C1orf56: variants seen among roughly 807,000 people sequenced by gnomAD.
The protein encoded by C1orf56 is protein MENT.
C1orf56 carries 14 observed loss-of-function variants against 20.7 expected under a neutral mutation model. The ratio of observed to expected loss-of-function variants is 0.68; its 90% CI spans 0.45 to 1.06. The LOEUF (loss-of-function observed/expected upper bound fraction) is 1.06, where lower values mean the gene tolerates loss of function less well. C1orf56 is among the 50% of genes least tolerant of loss of function. The pLI is 0.00. For missense variants in C1orf56, 424 were observed against 451.4 expected (o/e 0.94, Z 0.55); for synonymous variants, 187 against 194.7 (o/e 0.96, Z 0.33).
Position 151,048,600 on chromosome 1 carries a change from A to T in C1orf56, c.753A>T (p.Gln251His). 6.2e-7 allele frequency: 1 copy of T among 1,614,260 alleles called. No individual in the cohort carries two copies. The highest frequency in any genetic ancestry group is 8.5e-7 in the Non-Finnish European group (1 of 1,180,048). The part of the protein sequence containing the change: ...LRTEHKPCTY[Q>H]QCPCNRLREE... ...CGGAGCACAAGCCTTGCACCTATCA[A>T]CAATGTCCCTGCAACCGACTTCGGG... Residue 251 changes from glutamine to histidine, a missense_variant, in exon 1 of 2, where the codon CAA (glutamine) becomes CAT (histidine). By Grantham distance (24) the Gln-to-His change is conservative. Transcript: ENST00000368926. The surrounding 1 kb of genome is among the most constrained non-coding windows in gnomAD (Gnocchi z 4.8).
chr1:151,047,756 A>T lies in C1orf56; in HGVS notation c.-92A>T. 1 of 1,424,100 alleles carries T rather than the reference A, an allele frequency of 7.0e-7. No homozygotes were observed. The highest frequency in any genetic ancestry group is 1.5e-5 in the South Asian group (1 of 65,636). 88.2% of individuals were successfully genotyped at this position (1,424,100 alleles called of 1,614,324 possible). A position where few individuals can be genotyped will look rare whatever the true frequency, so the allele number is the denominator to read the frequency against. On this transcript the variant is annotated 5_prime_UTR_variant, in exon 1 of 2. Coordinates refer to ENST00000368926, the MANE Select transcript of C1orf56 (RefSeq NM_017860.5). Reference sequence around the variant, plus strand: ...TTCCCCGCGGGCCTCGGTTCAAACGACCCGGTGGGTCTACAGCGGAAGGGA... The same window carrying T: ...TTCCCCGCGGGCCTCGGTTCAAACGTCCCGGTGGGTCTACAGCGGAAGGGA...
chr1:151,047,935 C>T lies in C1orf56; in HGVS notation c.88C>T (p.Pro30Ser). The T allele has an allele frequency of 1.9e-6, 3 of 1,613,162 alleles. No homozygotes were observed. Among genetic ancestry groups the T allele is most frequent in the Non-Finnish European group, 2.5e-6 (3 of 1,179,846 alleles). The change falls in exon 1 of 2, where the codon CCG (proline) becomes TCG (serine). Residue 30 changes from proline to serine, a missense_variant. Transcript: ENST00000368926. ...GGGGGCCCAAGGCCTGACCCAGACTCCGACCGAAATGCAGCGGGTCAGTTT... is the reference window on the plus strand; with the variant it reads ...GGGGGCCCAAGGCCTGACCCAGACTTCGACCGAAATGCAGCGGGTCAGTTT... ...AAGAQGLTQT[P>S]TEMQRVSLRF... is the part of the protein sequence containing the mutation.
chr1:151,049,163 G>C (rs1197678797), intron 1 of C1orf56, among the ~76,000 whole-genome samples: 1 of 152,016 alleles, frequency 6.6e-6, no homozygotes, highest in Non-Finnish European at 1.5e-5. Context: ...GCCGAGGCTG[G>C]AGTGCAATGG....
At chr1:151,049,187 C>T (rs1417567405) in intron 1 of C1orf56, among the ~76,000 whole-genome samples, 2 of 151,844 alleles carry the variant, frequency 1.3e-5, no homozygotes, top group African/African-American at 4.8e-5. Context: ...GATCCTGGCT[C>T]ACTGCAACCT....
chr1:151,048,537 C>T lies in C1orf56; in HGVS notation c.690C>T (p.Ser230=). ...GGTCTGGGAAGCTGCACGGCCTTTC[C>T]GGGCGCCTTCGAGTTGGGGCGCTGA... The part of the protein sequence containing the change: ...RSRSGKLHGL[S]GRLRVGALSQ... The change falls in exon 1 of 2, where the codon TCC becomes TCT. Residue 230 remains serine, a synonymous_variant. Coordinates refer to ENST00000368926, the MANE Select transcript of C1orf56 (RefSeq NM_017860.5). This position sits in a 1 kb window ranked among gnomAD's most constrained non-coding sequence, Gnocchi z 4.8. 2.5e-6 allele frequency: 4 copies of T among 1,613,582 alleles called. No individual in the cohort carries two copies. Among genetic ancestry groups the T allele is most frequent in the East Asian group, 4.5e-5 (2 of 44,888 alleles).
intron 1 of C1orf56, 105 bp from the exon 2 acceptor site, chr1:151,050,333 T>C (rs1676149835): frequency 2.8e-6 from 3 of 1,089,160 alleles, no homozygotes; most frequent in East Asian, 4.8e-5. Context: ...GGCAGTAGGG[T>C]TGAGGGAATA....
Position 151,047,972 on chromosome 1 carries a change from G to A in C1orf56, c.125G>A (p.Gly42Asp). 3 of 1,613,840 alleles carry A rather than the reference G, an allele frequency of 1.9e-6. No homozygotes were observed. The highest frequency in any genetic ancestry group is 2.5e-6 in the Non-Finnish European group (3 of 1,179,980). Reference sequence around the variant, plus strand: ...CAGCGGGTCAGTTTACGCTTTGGGGGCCCCATGACCCGCAGCTACCGGAGC... The same window carrying A: ...CAGCGGGTCAGTTTACGCTTTGGGGACCCCATGACCCGCAGCTACCGGAGC... ...EMQRVSLRFGGPMTRSYRSTA... is the reference protein window; with the variant it reads ...EMQRVSLRFGDPMTRSYRSTA... The change falls in exon 1 of 2, where the codon GGC becomes GAC. Residue 42 changes from glycine to aspartate, a missense_variant. Gly to Asp is a moderately conservative substitution (Grantham distance 94). Coordinates refer to ENST00000368926, the MANE Select transcript of C1orf56 (RefSeq NM_017860.5).
intron 1 of C1orf56, 128 bp from the exon 2 acceptor site, chr1:151,050,310 T>C (rs1419235819): frequency 1.2e-6 from 1 of 804,886 alleles, no homozygotes; most frequent in Non-Finnish European, 2.0e-6. Context: ...CATACAAAAA[T>C]AAGTAAGGGG....
chr1:151,048,423 C>T lies in C1orf56; in HGVS notation c.576C>T (p.Ala192=). The T allele has an allele frequency of 6.2e-7, 1 of 1,610,288 alleles. No homozygotes were observed. The highest frequency in any genetic ancestry group is 8.5e-7 in the Non-Finnish European group (1 of 1,179,990). Residue 192 remains alanine (A), a synonymous_variant, in exon 1 of 2, where the codon GCC becomes GCT. Transcript: ENST00000368926. This position sits in a 1 kb window ranked among gnomAD's most constrained non-coding sequence, Gnocchi z 4.8. ...PSRWPSPSPT[A]MPSPEDLRLV... Reference sequence around the variant, plus strand: ...GGTGGCCGTCACCCTCACCCACAGCCATGCCATCTCCTGAGGATCTGCGGC... The same window carrying T: ...GGTGGCCGTCACCCTCACCCACAGCTATGCCATCTCCTGAGGATCTGCGGC...
chr1:151,048,175 G>A lies in C1orf56; in HGVS notation c.328G>A (p.Gly110Arg), dbSNP rs1676099554. The A allele has an allele frequency of 6.2e-7, 1 of 1,614,210 alleles. No homozygotes were observed. The highest frequency in any genetic ancestry group is 8.5e-7 in the Non-Finnish European group (1 of 1,180,042). The change falls in exon 1 of 2, where the codon GGG becomes AGG. Residue 110 changes from glycine to arginine, a missense_variant. Transcript: ENST00000368926. This position sits in a 1 kb window ranked among gnomAD's most constrained non-coding sequence, Gnocchi z 4.8. Reference sequence around the variant, plus strand: ...CGAGGAGGATGGGTCTTCAGAAGAGGGGGTTGTGATTAATGCCGGAAAGGA... The same window carrying A: ...CGAGGAGGATGGGTCTTCAGAAGAGAGGGTTGTGATTAATGCCGGAAAGGA... Reference protein sequence around the residue: ...INEEDGSSEEGVVINAGKDST... With the variant: ...INEEDGSSEERVVINAGKDST...
rs761712693 is a variant in C1orf56, at chr1:151,048,156, G to A, written c.309G>A (p.Glu103=). ...GCCGGTCGTCCGCCATTAACGAGGA[G>A]GATGGGTCTTCAGAAGAGGGGGTTG... ...GFSRSSAINE[E]DGSSEEGVVI... The change falls in exon 1 of 2, where the codon GAG becomes GAA. Residue 103 remains glutamate (E), a synonymous_variant. Transcript: ENST00000368926. This position sits in a 1 kb window ranked among gnomAD's most constrained non-coding sequence, Gnocchi z 4.8. The A allele has an allele frequency of 5.6e-6, 9 of 1,614,064 alleles. No individual in the cohort carries two copies. The East Asian group carries it at 1.8e-4, about 32-fold the overall frequency.
In C1orf56 at chr1:151,048,907, T is replaced by A; in HGVS notation, c.1005+55T>A. 6.6e-7 allele frequency: 1 copy of A among 1,507,374 alleles called. No homozygotes were observed. Among genetic ancestry groups the A allele is most frequent in the African/African-American group, 1.4e-5 (1 of 71,690 alleles). The allele number at this position is 1,507,374 out of a possible 1,614,324, so 93.4% of individuals were successfully genotyped here. ...TGTTGACGGATCTGAAAAGTCCTGGTATCTAAAACCCAGTTGCTAAGCCAG... is the reference window on the plus strand; with the variant it reads ...TGTTGACGGATCTGAAAAGTCCTGGAATCTAAAACCCAGTTGCTAAGCCAG... On this transcript the variant is annotated intron_variant, in intron 1 of 1. Coordinates refer to ENST00000368926, the MANE Select transcript of C1orf56 (RefSeq NM_017860.5). The surrounding 1 kb of genome is among the most constrained non-coding windows in gnomAD (Gnocchi z 4.8).
At chr1:151,050,086 T>C (rs1261234076) in intron 1 of C1orf56, among the ~76,000 whole-genome samples, 1 of 152,252 alleles carries the variant, frequency 6.6e-6, no homozygotes, top group Non-Finnish European at 1.5e-5. Flanking sequence ...GTGCCCACTC[T>C]CTTCACCACT....
chr1:151,049,280 A>ATT (rs34876001), intron 1 of C1orf56, among the ~76,000 whole-genome samples: 85,258 of 142,132 alleles, frequency 0.6, 27,374 homozygotes, highest in East Asian at 0.88. Flanking sequence ...TGCCCGGCTA[A>ATT]TTTTTTTTTT....
chr1:151,049,354 T>G (rs1244686752), intron 1 of C1orf56, among the ~76,000 whole-genome samples: 1 of 150,986 alleles, frequency 6.6e-6, no homozygotes, highest in East Asian at 2.0e-4. Flanking sequence ...TGACCTCAAG[T>G]GATCCACCCG....
In C1orf56 at chr1:151,048,354, G is replaced by A. The variant is rs200269793; in HGVS notation, c.507G>A (p.Gln169=). Residue 169 remains glutamine (Q), a synonymous_variant, in exon 1 of 2, where the codon CAG becomes CAA. Coordinates refer to ENST00000368926, the MANE Select transcript of C1orf56 (RefSeq NM_017860.5). This position sits in a 1 kb window ranked among gnomAD's most constrained non-coding sequence, Gnocchi z 4.8. The stretch of plus-strand genomic sequence containing the variant: ...CTACTGAGGACCTGCCAGGCTCGCA[G>A]GCCACCCTGAGCCAGTGGTCCACAC... The part of the protein sequence containing the change: ...GRSTEDLPGS[Q]ATLSQWSTPG... 1.7e-5 allele frequency: 28 copies of A among 1,613,792 alleles called. No individual in the cohort carries two copies. In the East Asian group the frequency reaches 5.8e-4, roughly 33 times the overall value.
In C1orf56 at chr1:151,047,956, A is replaced by T; in HGVS notation, c.109A>T (p.Ser37Cys). 1 of 1,613,680 alleles carries T rather than the reference A, an allele frequency of 6.2e-7. No individual in the cohort carries two copies. The change falls in exon 1 of 2, where the codon AGT (serine) becomes TGT (cysteine). Residue 37 changes from serine to cysteine, a missense_variant. Ser to Cys is a moderately radical substitution (Grantham distance 112). Transcript: ENST00000368926. ...TQTPTEMQRV[S>C]LRFGGPMTRS... ...GACTCCGACCGAAATGCAGCGGGTCAGTTTACGCTTTGGGGGCCCCATGAC... is the reference window on the plus strand; with the variant it reads ...GACTCCGACCGAAATGCAGCGGGTCTGTTTACGCTTTGGGGGCCCCATGAC...
intron 1 of C1orf56, among the ~76,000 whole-genome samples, chr1:151,050,101 T>G (rs961684843): frequency 2.6e-5 from 4 of 152,236 alleles, no homozygotes; most frequent in African/African-American, 9.6e-5. Context: ...ACCACTACCA[T>G]TTGGGAGTAC....
chr1:151,048,324 G>A lies in C1orf56; in HGVS notation c.477G>A (p.Gly159=), dbSNP rs972000542. 2 of 1,614,126 alleles carry A rather than the reference G, an allele frequency of 1.2e-6. No homozygotes were observed. Among genetic ancestry groups the A allele is most frequent in the Non-Finnish European group, 1.7e-6 (2 of 1,180,022 alleles). Reference sequence around the variant, plus strand: ...CTTCAAGCCTGCCGCGCTCCCCCGGGAGGTCTACTGAGGACCTGCCAGGCT... The same window carrying A: ...CTTCAAGCCTGCCGCGCTCCCCCGGAAGGTCTACTGAGGACCTGCCAGGCT... ...RLTSSLPRSP[G]RSTEDLPGSQ... is the part of the protein sequence containing the mutation. The change falls in exon 1 of 2, where the codon GGG becomes GGA. Residue 159 remains glycine, a synonymous_variant. Coordinates refer to ENST00000368926, the MANE Select transcript of C1orf56 (RefSeq NM_017860.5). This position sits in a 1 kb window ranked among gnomAD's most constrained non-coding sequence, Gnocchi z 4.8.
Sources: allele counts gnomAD v4.1 joint callset (sites outside exome capture counted in the v4.1 genomes callset), GRCh38; gene constraint gnomAD v4.1.1; non-coding constraint Gnocchi (gnomAD v3.1); transcripts MANE v1.5; gene names NCBI Gene and HGNC (gene_info 2026-07-23, HGNC 2026-07-21).